Variants in HTR1F observed in about 807,000 individuals in gnomAD.
The protein encoded by HTR1F is 5-hydroxytryptamine receptor 1F.
HTR1F carries 17 observed loss-of-function variants against 24.0 expected under a neutral mutation model. The observed-to-expected ratio is 0.71, with a 90% CI of 0.48 to 1.06. HTR1F has a LOEUF of 1.06. Among genes scored for constraint, HTR1F ranks in the 50% least tolerant of loss-of-function variants. The pLI, the probability that HTR1F is intolerant of heterozygous loss-of-function variation, is 0.00. For missense variants in HTR1F, 391 were observed against 427.8 expected (o/e 0.91, Z 0.76); for synonymous variants, 186 against 156.8 (o/e 1.19, Z -1.39).
Position 87,808,213 on chromosome 3 carries a change from T to A in HTR1F, c.-159-13795T>A, listed in dbSNP as rs528982000. Among the ~76,000 whole-genome samples, 4 of 152,066 alleles carry A rather than the reference T, an allele frequency of 2.6e-5. No individual in the cohort carries two copies. The East Asian group carries it at 7.7e-4, about 29-fold the overall frequency. On this transcript the variant is annotated intron_variant, in intron 1 of 2. Transcript: ENST00000319595. ...ATTGGAGTTAGTTCTTCTTTGACAG[T>A]TTGATAGAATTTGGCAGTGAAACCA...
At chr3:87,855,889 G>A (rs1488006264) in intron 2 of HTR1F, among the ~76,000 whole-genome samples, 5 of 151,958 alleles carry the variant, frequency 3.3e-5, no homozygotes, top group African/African-American at 1.2e-4. Context: ...AACTCTCGCA[G>A]TATCACAGTG....
intron 1 of HTR1F, among the ~76,000 whole-genome samples, chr3:87,809,074 A>G (rs1427128043): frequency 1.3e-5 from 2 of 151,414 alleles, no homozygotes; most frequent in African/African-American, 4.8e-5. Flanking sequence ...ATTTTTATTC[A>G]TTTTCCTTTT....
intron 2 of HTR1F, among the ~76,000 whole-genome samples, chr3:87,948,370 T>A (rs1367588890): frequency 1.3e-5 from 2 of 152,220 alleles, no homozygotes; most frequent in African/African-American, 4.8e-5. Context: ...TATCTAAAAA[T>A]GTATTTATCC....
intron 2 of HTR1F, among the ~76,000 whole-genome samples, chr3:87,845,481 CAATTGCTTCAAAGAG>C (rs1490075475): frequency 6.7e-6 from 1 of 148,644 alleles, no homozygotes; most frequent in Non-Finnish European, 1.5e-5. Flanking sequence ...CTCCCATTCA[CAATTGCTTCAAAGAG>C]AATAAAATAC....
At chr3:87,842,305 C>T (rs557727809) in intron 2 of HTR1F, among the ~76,000 whole-genome samples, 5 of 151,568 alleles carry the variant, frequency 3.3e-5, no homozygotes, top group Non-Finnish European at 5.9e-5. Flanking sequence ...GGATTATAGG[C>T]GCCCACCACC....
intron 2 of HTR1F, among the ~76,000 whole-genome samples, chr3:87,864,269 C>T (rs958130726): frequency 1.3e-5 from 2 of 152,096 alleles, no homozygotes; most frequent in Admixed American, 6.5e-5. Context: ...CGTTATTTGG[C>T]CTACCATAGC....
chr3:87,806,548 G>A (rs1704077400), intron 1 of HTR1F, among the ~76,000 whole-genome samples: 1 of 151,906 alleles, frequency 6.6e-6, no homozygotes, highest in Non-Finnish European at 1.5e-5. Flanking sequence ...GTATATTCTA[G>A]ATATTAGTCC....
At chr3:87,896,281 C>T (rs998472922) in intron 2 of HTR1F, among the ~76,000 whole-genome samples, 13 of 152,138 alleles carry the variant, frequency 8.5e-5, no homozygotes, top group Admixed American at 1.3e-4. Context: ...TTCTGAAGAG[C>T]GGAAAGGAGC....
In HTR1F at chr3:87,990,792, G is replaced by C. The variant is rs200299083; in HGVS notation, c.43G>C (p.Glu15Gln). Residue 15 changes from glutamate to glutamine, a missense_variant, in exon 3 of 3, where the codon GAA (glutamate) becomes CAA (glutamine). Glu to Gln is a conservative substitution (Grantham distance 29, BLOSUM62 2). Transcript: ENST00000319595. The stretch of plus-strand genomic sequence containing the variant: ...ATCTGATCAAAACTTGACCTCAGAG[G>C]AACTGTTAAACAGAATGCCATCCAA... The part of the protein sequence containing the change: ...NSSDQNLTSE[E>Q]LLNRMPSKIL... 185 of 1,613,674 alleles carry C rather than the reference G, an allele frequency of 1.1e-4. No homozygotes were observed. In the East Asian group the frequency reaches 3.9e-3, roughly 34 times the overall value.
intron 1 of HTR1F, among the ~76,000 whole-genome samples, chr3:87,803,290 G>A (rs1003552702): frequency 1.3e-5 from 2 of 152,016 alleles, no homozygotes; most frequent in African/African-American, 4.8e-5. Context: ...TTAAAATCCT[G>A]ACAAACTTCA....
chr3:87,951,919 C>T (rs9917757), intron 2 of HTR1F, among the ~76,000 whole-genome samples: 3,830 of 152,032 alleles, frequency 0.025, 172 homozygotes, highest in African/African-American at 0.088. Flanking sequence ...TGGAATAATG[C>T]GGCATGTAGT....
At chr3:87,933,905 T>C (rs555479354) in intron 2 of HTR1F, among the ~76,000 whole-genome samples, 1 of 152,212 alleles carries the variant, frequency 6.6e-6, no homozygotes, top group Non-Finnish European at 1.5e-5. Flanking sequence ...TTCCAGCCTA[T>C]AATGAGAAGA....
chr3:87,910,357 AC>A (rs1233188945), intron 2 of HTR1F: 1 of 151,994 alleles, frequency 6.6e-6, no homozygotes, highest in African/African-American at 2.4e-5. Flanking sequence ...CAGACTTGAA[AC>A]CAACAAAGAT....
intron 2 of HTR1F, among the ~76,000 whole-genome samples, chr3:87,847,565 A>G (rs989661159): frequency 2.0e-5 from 3 of 151,756 alleles, no homozygotes; most frequent in Admixed American, 6.6e-5. Flanking sequence ...TCTTCTAGTT[A>G]CTTTGAAATA....
intron 2 of HTR1F, among the ~76,000 whole-genome samples, chr3:87,933,239 C>T (rs1285102129): frequency 6.6e-6 from 1 of 151,768 alleles, no homozygotes. Flanking sequence ...AAACCCACAG[C>T]CAATATCATA....
chr3:87,878,992 CAG>C (rs1388361862), intron 2 of HTR1F, among the ~76,000 whole-genome samples: 16 of 152,050 alleles, frequency 1.1e-4, no homozygotes, highest in Admixed American at 1.0e-3. Flanking sequence ...TAAATATAGA[CAG>C]AAATATTTCT....
chr3:87,805,575 T>G (rs141192406), intron 1 of HTR1F, among the ~76,000 whole-genome samples: 2 of 152,234 alleles, frequency 1.3e-5, no homozygotes, highest in East Asian at 3.9e-4. Context: ...TGTGTAATTA[T>G]CAAGTCAGGA....
intron 2 of HTR1F, among the ~76,000 whole-genome samples, chr3:87,909,872 T>C (rs1188304894): frequency 6.6e-6 from 1 of 151,904 alleles, no homozygotes; most frequent in African/African-American, 2.4e-5. Flanking sequence ...AAGAGGAAAA[T>C]GACAAAAGAG....
intron 2 of HTR1F, among the ~76,000 whole-genome samples, chr3:87,901,742 G>A (rs560293212): frequency 1.3e-5 from 2 of 152,010 alleles, no homozygotes; most frequent in African/African-American, 2.4e-5. Context: ...TTAGTATTCT[G>A]TGATAATAAC....
Sources: allele counts gnomAD v4.1 joint callset (sites outside exome capture counted in the v4.1 genomes callset), GRCh38; gene constraint gnomAD v4.1.1; transcripts MANE v1.5; gene names NCBI Gene and HGNC (gene_info 2026-07-23, HGNC 2026-07-21).